LONP2: variants seen among roughly 807,000 people sequenced by gnomAD.
LONP2 encodes lon peptidase 2, peroxisomal.
Under a neutral mutation model 85.6 loss-of-function variants are expected in LONP2, and 60 were observed. That is an observed-to-expected ratio of 0.70 (90% CI 0.57 to 0.87). The LOEUF (loss-of-function observed/expected upper bound fraction) is 0.87, where lower values mean the gene tolerates loss of function less well. Ranked by LOEUF, LONP2 falls within the 40% of genes least tolerant of loss-of-function variation. The probability of loss-of-function intolerance (pLI) is 0.00; values close to 1 mark genes in which losing one functional copy is unlikely to be tolerated. For synonymous variants in LONP2, 395 were observed against 389.7 expected (o/e 1.01, Z -0.16); for missense variants, 860 against 1,063.5 (o/e 0.81, Z 2.66).
At chr16:48,337,466 T>G (rs2151026781) in intron 12 of LONP2, among the ~76,000 whole-genome samples, 1 of 152,314 alleles carries the variant, frequency 6.6e-6, no homozygotes, top group Admixed American at 6.5e-5. Context: ...TGGTTGTCTT[T>G]CCAATAACAG....
chr16:48,268,660 CTCTA>C, intron 6 of LONP2, among the ~76,000 whole-genome samples: 1 of 152,220 alleles, frequency 6.6e-6, no homozygotes, highest in Non-Finnish European at 1.5e-5. Context: ...TTGAGAAACT[CTCTA>C]TCTTTCACTT....
intron 8 of LONP2, among the ~76,000 whole-genome samples, chr16:48,287,925 C>G (rs746671454): frequency 3.9e-5 from 6 of 152,150 alleles, no homozygotes; most frequent in Middle Eastern, 3.4e-3. Flanking sequence ...GTGCTTCCTC[C>G]CCCATTTCAT....
At chr16:48,270,797 G>A (rs945521475) in intron 7 of LONP2, among the ~76,000 whole-genome samples, 3 of 151,936 alleles carry the variant, frequency 2.0e-5, no homozygotes, top group Admixed American at 1.3e-4. Context: ...CTTGCATTTT[G>A]GACTCACTTT....
At chr16:48,245,389 A>G (rs1306863354) in intron 1 of LONP2, among the ~76,000 whole-genome samples, 2 of 152,142 alleles carry the variant, frequency 1.3e-5, no homozygotes, top group Non-Finnish European at 2.9e-5. Flanking sequence ...TTATTCTGCA[A>G]TTTGGAAACT....
chr16:48,274,993 TA>T (rs1189431667), intron 7 of LONP2, among the ~76,000 whole-genome samples: 1 of 152,188 alleles, frequency 6.6e-6, no homozygotes, highest in African/African-American at 2.4e-5. Context: ...TTGTCTGCTA[TA>T]AAAGACATTT....
At chr16:48,264,652 A>G (rs1263304595) in intron 6 of LONP2, among the ~76,000 whole-genome samples, 1 of 152,248 alleles carries the variant, frequency 6.6e-6, no homozygotes, top group Admixed American at 6.5e-5. Context: ...AAGTAAAGAC[A>G]GGCATAGGAA....
intron 8 of LONP2, among the ~76,000 whole-genome samples, chr16:48,291,274 C>T (rs971520015): frequency 1.3e-5 from 2 of 152,202 alleles, no homozygotes; most frequent in African/African-American, 2.4e-5. Flanking sequence ...GAAGCAGATT[C>T]CAGACATCAT....
At chr16:48,336,411 A>C (rs1270725672) in intron 12 of LONP2, 1 of 456,266 alleles carries the variant, frequency 2.2e-6, no homozygotes, top group South Asian at 1.5e-5. Flanking sequence ...TTAGAATGGA[A>C]GATGTGGTGT....
downstream of LONP2, chr16:48,361,552 A>T: frequency 6.2e-7 from 1 of 1,605,158 alleles, no homozygotes; most frequent in Non-Finnish European, 8.5e-7. Context: ...AGTTTTAAAC[A>T]CTGGCCAGAA....
At chr16:48,315,793 G>T (rs960110590) in intron 11 of LONP2, among the ~76,000 whole-genome samples, 2 of 151,632 alleles carry the variant, frequency 1.3e-5, no homozygotes, top group African/African-American at 4.8e-5. Flanking sequence ...TGAGAAGAGA[G>T]CCCTTCACTG....
intron 5 of LONP2, among the ~76,000 whole-genome samples, chr16:48,262,141 A>G (rs1971891555): frequency 6.6e-6 from 1 of 152,192 alleles, no homozygotes; most frequent in Non-Finnish European, 1.5e-5. Context: ...TGCCTCTGAC[A>G]TTAGTTAATA....
At chr16:48,290,838 C>G (rs1972545241) in intron 8 of LONP2, among the ~76,000 whole-genome samples, 1 of 152,152 alleles carries the variant, frequency 6.6e-6, no homozygotes, top group Non-Finnish European at 1.5e-5. Flanking sequence ...TAGCTCTTCT[C>G]CCCTCCCAAG....
At chr16:48,346,397 G>GA (rs1959965407) in intron 12 of LONP2, among the ~76,000 whole-genome samples, 1 of 152,062 alleles carries the variant, frequency 6.6e-6, no homozygotes, top group Admixed American at 6.6e-5. Flanking sequence ...TCATAACTTG[G>GA]ATGTGTTAAC....
At chr16:48,314,047 C>G (rs545387875) in intron 11 of LONP2, among the ~76,000 whole-genome samples, 2 of 152,266 alleles carry the variant, frequency 1.3e-5, no homozygotes, top group African/African-American at 4.8e-5. Context: ...TTGCATTTCT[C>G]TAATGATCAG....
At position 48,244,635 on chromosome 16, in the gene LONP2, C is replaced by A. The variant is rs1259476597; in HGVS notation, c.233+14C>A. On this transcript the variant is annotated intron_variant, in intron 1 of 14. Coordinates refer to ENST00000285737, the MANE Select transcript of LONP2 (RefSeq NM_031490.5). ...GCCGCTGCACAGGTAGGCCTGGCTGCCCCCGCGGCGGCGGCGGGCGGCGCG... is the reference window on the plus strand; with the variant it reads ...GCCGCTGCACAGGTAGGCCTGGCTGACCCCGCGGCGGCGGCGGGCGGCGCG... 3.0e-6 allele frequency: 4 copies of A among 1,346,394 alleles called. No homozygotes were observed. Among genetic ancestry groups the A allele is most frequent in the African/African-American group, 1.5e-5 (1 of 64,866 alleles). The allele number at this position is 1,346,394 out of a possible 1,614,324, so 83.4% of individuals were successfully genotyped here.
At chr16:48,337,755 C>G (rs1959696399) in intron 12 of LONP2, among the ~76,000 whole-genome samples, 2 of 152,142 alleles carry the variant, frequency 1.3e-5, no homozygotes, top group Admixed American at 1.3e-4. Flanking sequence ...AGAGGTTATA[C>G]TAGGAATACT....
At chr16:48,319,976 G>C (rs1222583343) in intron 11 of LONP2, among the ~76,000 whole-genome samples, 2 of 151,948 alleles carry the variant, frequency 1.3e-5, no homozygotes, top group Non-Finnish European at 2.9e-5. Context: ...GCCTGGCCAA[G>C]ATGGTGAAAC....
intron 11 of LONP2, among the ~76,000 whole-genome samples, chr16:48,328,007 G>A (rs904853806): frequency 5.3e-5 from 8 of 152,116 alleles, no homozygotes; most frequent in Non-Finnish European, 1.2e-4. Context: ...TTGTTTTCTT[G>A]TAATTGAAGG....
intron 11 of LONP2, among the ~76,000 whole-genome samples, chr16:48,319,165 A>G (rs1223923893): frequency 6.6e-6 from 1 of 152,142 alleles, no homozygotes; most frequent in Admixed American, 6.5e-5. Context: ...AGATCACTTG[A>G]GGCCAGGAGT....
Sources: gnomAD v4.1 joint callset for allele counts (sites outside exome capture counted in the v4.1 genomes callset) on GRCh38, gnomAD v4.1.1 for gene constraint, MANE v1.5 for transcripts, NCBI Gene and HGNC (gene_info 2026-07-23, HGNC 2026-07-21) for gene names.